Variants in KLKB1 observed in about 807,000 individuals in gnomAD.
KLKB1 encodes the protein plasma kallikrein.
In KLKB1, 58 loss-of-function variants were observed where a neutral mutation model predicts 73.6. The observed-to-expected ratio is 0.79, with a 90% CI of 0.64 to 0.98. The LOEUF is 0.98. KLKB1 is among the 50% of genes least tolerant of loss of function. KLKB1 has a pLI of 0.00. For synonymous variants in KLKB1, 280 were observed against 258.1 expected (o/e 1.08, Z -0.81); for missense variants, 737 against 763.8 (o/e 0.96, Z 0.41).
chr4:186,230,224 A>G (rs1391617943), intron 2 of KLKB1, among the ~76,000 whole-genome samples: 1 of 152,206 alleles, frequency 6.6e-6, no homozygotes, highest in African/African-American at 2.4e-5. Flanking sequence ...CCAGTATACA[A>G]ACACTGGTTA....
In KLKB1 at chr4:186,258,389, C is replaced by T. The variant is rs566568062; in HGVS notation, c.*177C>T. Reference sequence around the variant, plus strand: ...GTCTGGCTGAAGCCCGCTTTCAGCACGCCGTAACCAGGGGCTGACAATGCG... The same window carrying T: ...GTCTGGCTGAAGCCCGCTTTCAGCATGCCGTAACCAGGGGCTGACAATGCG... On this transcript the variant is annotated 3_prime_UTR_variant, in exon 15 of 15. Transcript: ENST00000264690. 7.0e-5 allele frequency: 47 copies of T among 674,810 alleles called. No individual in the cohort carries two copies. Among genetic ancestry groups the T allele is most frequent in the East Asian group, 6.8e-4 (25 of 36,684 alleles). The allele number at this position is 674,810 out of a possible 1,614,324, so 41.8% of individuals were successfully genotyped here.
At chr4:186,225,295 A>T (rs1009908586), upstream of KLKB1, among the ~76,000 whole-genome samples, 1 of 151,306 alleles carries the variant, frequency 6.6e-6, no homozygotes, top group African/African-American at 2.4e-5. Context: ...ATATCATCCC[A>T]CTCTCTCTTG....
chr4:186,256,023 AG>A lies in KLKB1; in HGVS notation c.1523del (p.Gly508ValfsTer12). 6.2e-7 allele frequency: 1 copy of A among 1,613,202 alleles called. No homozygotes were observed. The highest frequency in any genetic ancestry group is 1.1e-5 in the South Asian group (1 of 91,070). On this transcript the variant is annotated frameshift_variant, in exon 13 of 15. Coordinates refer to ENST00000264690, the MANE Select transcript of KLKB1 (RefSeq NM_000892.5). LOFTEE classifies it high-confidence loss of function. ...AAAAACCAATATGCCTACCTTCCAA[AG>A]GTGACACAAGCACAATTTATACCAA... ...FQKPICLPSKGDTSTIYTNCW... is the reference protein window; with the variant it reads ...FQKPICLPSKXDTSTIYTNCW...
upstream of KLKB1, among the ~76,000 whole-genome samples, chr4:186,225,062 C>T (rs771839358): frequency 3.3e-5 from 5 of 152,162 alleles, no homozygotes; most frequent in Non-Finnish European, 7.3e-5. Context: ...TGCCTTCCAT[C>T]GTGATTATAA....
In KLKB1 at chr4:186,247,663, A is replaced by G. The variant is rs564458805; in HGVS notation, c.599-2580A>G. On this transcript the variant is annotated intron_variant, in intron 6 of 14. Coordinates refer to ENST00000264690, the MANE Select transcript of KLKB1 (RefSeq NM_000892.5). ...ATGGGGCTTAATCGCACTTTATAAG[A>G]CTTGAAGGATGTTTGAGAATCACTA... 3.3e-5 allele frequency among the ~76,000 whole-genome samples: 5 copies of G among 152,320 alleles called. No homozygotes were observed. The South Asian group carries it at 1.0e-3, about 32-fold the overall frequency.
chr4:186,258,411 T>A lies in KLKB1; in HGVS notation c.*199T>A, dbSNP rs919123680. The A allele has an allele frequency of 4.7e-5, 30 of 636,168 alleles. No individual in the cohort carries two copies. Among genetic ancestry groups the A allele is most frequent in the Non-Finnish European group, 7.1e-5 (25 of 352,530 alleles). The allele number at this position is 636,168 out of a possible 1,614,324, so 39.4% of individuals were successfully genotyped here. A position where few individuals can be genotyped will look rare whatever the true frequency, so the allele number is the denominator to read the frequency against. ...GCACGCCGTAACCAGGGGCTGACAA[T>A]GCGAGGTCGCAACTGAGATCTCCAT... On this transcript the variant is annotated 3_prime_UTR_variant, in exon 15 of 15. Transcript: ENST00000264690.
At position 186,234,056 on chromosome 4, in the gene KLKB1, G is replaced by T; in HGVS notation, c.326G>T (p.Ser109Ile). Residue 109 changes from serine to isoleucine, a missense_variant and splice_region_variant, in exon 4 of 15, where the codon AGT (serine) becomes ATT (isoleucine). Physicochemically the swap from Ser to Ile is moderately radical, Grantham distance 142. Transcript: ENST00000264690. ...HSLKQCGHQI[S>I]ACHRDIYKGV... ...TTGAAGCAATGTGGTCATCAAATAA[G>T]TGGTAAGTTGTGAATTTCTTAGCTA... 1 of 1,603,058 alleles carries T rather than the reference G, an allele frequency of 6.2e-7. No homozygotes were observed. The highest frequency in any genetic ancestry group is 1.1e-5 in the South Asian group (1 of 90,856).
intron 2 of KLKB1, among the ~76,000 whole-genome samples, chr4:186,230,663 G>A (rs1043055314): frequency 6.6e-6 from 1 of 152,100 alleles, no homozygotes; most frequent in African/African-American, 2.4e-5. Context: ...AACAAAATTG[G>A]TGTCTTTCTA....
At chr4:186,246,242 A>T (rs965036556) in intron 6 of KLKB1, among the ~76,000 whole-genome samples, 1 of 151,634 alleles carries the variant, frequency 6.6e-6, no homozygotes, top group African/African-American at 2.4e-5. Context: ...AGGAGGGGAG[A>T]GGTCAGATGG....
intron 7 of KLKB1, 55 bp downstream of exon 7, chr4:186,250,457 G>C: frequency 6.3e-7 from 1 of 1,576,186 alleles, no homozygotes; most frequent in Non-Finnish European, 8.7e-7. Flanking sequence ...GGGAGCACTT[G>C]CTGCTGTACT....
At chr4:186,257,903 T>C in intron 14 of KLKB1, 118 bp from the exon 15 acceptor site, 1 of 944,462 alleles carries the variant, frequency 1.1e-6, no homozygotes. Flanking sequence ...CAAAAAAATA[T>C]GAAAGTATCT....
At chr4:186,222,738 T>C (rs1253600607), upstream of KLKB1, among the ~76,000 whole-genome samples, 1 of 152,238 alleles carries the variant, frequency 6.6e-6, no homozygotes, top group Non-Finnish European at 1.5e-5. Flanking sequence ...AGAATACCTT[T>C]AATAGAGTTT....
At chr4:186,253,247 A>C (rs964325120) in intron 11 of KLKB1, among the ~76,000 whole-genome samples, 1 of 152,154 alleles carries the variant, frequency 6.6e-6, no homozygotes, top group Middle Eastern at 3.2e-3. Flanking sequence ...GAAATACTAG[A>C]AGACACTTGA....
At position 186,252,123 on chromosome 4, in the gene KLKB1, C is replaced by A; in HGVS notation, c.1251C>A (p.His417Gln). 1 of 1,614,026 alleles carries A rather than the reference C, an allele frequency of 6.2e-7. No homozygotes were observed. The highest frequency in any genetic ancestry group is 2.2e-5 in the East Asian group (1 of 44,876). ...SLQVKLTAQR[H>Q]LCGGSLIGHQ... ...AGGTGAAGCTGACAGCTCAGAGGCA[C>A]CTGTGTGGAGGGTCACTCATAGGAC... is the stretch of plus-strand genomic sequence containing the variant. Residue 417 changes from histidine (H) to glutamine (Q), a missense_variant, in exon 11 of 15, where the codon CAC becomes CAA. Transcript: ENST00000264690.
intron 6 of KLKB1, among the ~76,000 whole-genome samples, chr4:186,241,864 A>G (rs963079927): frequency 2.6e-5 from 4 of 152,224 alleles, no homozygotes; most frequent in South Asian, 2.1e-4. Context: ...CAAAATATCT[A>G]TAAATAGTGC....
At position 186,233,703 on chromosome 4, in the gene KLKB1, CA is replaced by C. The variant is rs4253247; in HGVS notation, c.222-248del. ...GAAAGTTTAAGAACACAGGAAAAAT[CA>C]TTAACTCTTTAATATGGTTGATTTC... On this transcript the variant is annotated intron_variant, in intron 3 of 14. Coordinates refer to ENST00000264690, the MANE Select transcript of KLKB1 (RefSeq NM_000892.5). 9.3e-3 allele frequency among the ~76,000 whole-genome samples: 1,410 copies of C among 152,304 alleles called. 13 individuals carry two copies. The highest frequency in any genetic ancestry group is 0.016 in the Non-Finnish European group (1,084 of 68,012).
At chr4:186,250,187 G>A (rs1363329240) in intron 6 of KLKB1, 56 bp from the exon 7 acceptor site, 10 of 1,517,008 alleles carry the variant, frequency 6.6e-6, no homozygotes, top group African/African-American at 1.4e-5. Flanking sequence ...CAAAATACAA[G>A]CAAATTTAGC....
rs1737939912 is a variant in KLKB1, at chr4:186,240,121, CAGTGATACTGTTATAGTTAT to C, written c.598+1759_598+1778del. On this transcript the variant is annotated intron_variant, in intron 6 of 14. Transcript: ENST00000264690. ...GAGTTATAGGTACAGTGATATAGGA[CAGTGATACTGTTATAGTTAT>C]AGGACAGTGATATTCTTATAGTTAC... is the stretch of plus-strand genomic sequence containing the variant. 6.6e-5 allele frequency among the ~76,000 whole-genome samples: 8 copies of C among 121,174 alleles called. No homozygotes were observed. The South Asian group carries it at 2.6e-3, about 40-fold the overall frequency. 79.5% of individuals were successfully genotyped at this position (121,174 alleles called of 152,430 possible). A position where few individuals can be genotyped will look rare whatever the true frequency, so the allele number is the denominator to read the frequency against.
At position 186,241,657 on chromosome 4, in the gene KLKB1, A is replaced by T. The variant is rs897118541; in HGVS notation, c.598+3292A>T. ...CAATTGAGATGGTACACATATTTTC[A>T]AGCCAAAAGGAGGAAAACATAAATT... On this transcript the variant is annotated intron_variant, in intron 6 of 14. Transcript: ENST00000264690. Among the ~76,000 whole-genome samples the T allele has an allele frequency of 4.1e-4, 62 of 152,356 alleles. 1 individual carries two copies. The highest frequency in any genetic ancestry group is 1.4e-3 in the African/African-American group (59 of 41,582).
Sources: allele counts gnomAD v4.1 joint callset (sites outside exome capture counted in the v4.1 genomes callset), GRCh38; gene constraint gnomAD v4.1.1; transcripts MANE v1.5; gene names NCBI Gene and HGNC (gene_info 2026-07-23, HGNC 2026-07-21).